Variants in DLG5 observed in about 807,000 individuals in gnomAD.
DLG5 encodes discs large MAGUK scaffold protein 5.
Under a neutral mutation model 189.8 loss-of-function variants are expected in DLG5, and 48 were observed. The observed-to-expected ratio is 0.25, with a 90% CI of 0.20 to 0.32. The LOEUF (loss-of-function observed/expected upper bound fraction) is 0.32, where lower values mean the gene tolerates loss of function less well. Ranked by LOEUF, DLG5 falls within the 10% of genes least tolerant of loss-of-function variation. DLG5 has a pLI of 1.00. For missense variants in DLG5, 2,160 were observed against 2,544.7 expected, an observed-to-expected ratio of 0.85 and a Z score of 3.25; for synonymous variants, 1,016 against 1,054.1, an observed-to-expected ratio of 0.96 and a Z score of 0.70.
In DLG5 at chr10:77,841,891, G is replaced by A. The variant is rs143701099; in HGVS notation, c.1427C>T (p.Ala476Val). 1.6e-5 allele frequency: 25 copies of A among 1,607,778 alleles called. No individual in the cohort carries two copies. The highest frequency in any genetic ancestry group is 9.3e-5 in the African/African-American group (7 of 74,868). ...EKKAANEEME[A>V]LRQIKDTVTM... ...GGCCCACCCACCTACCTGCCGCAGC[G>A]CCTCCATCTCCTCATTGGCCGCCTT... Residue 476 changes from alanine to valine, a missense_variant, in exon 7 of 32, where the codon GCG becomes GTG. Coordinates refer to ENST00000372391, the MANE Select transcript of DLG5 (RefSeq NM_004747.4).
At chr10:77,922,379 A>G (rs1410009904) in intron 1 of DLG5, among the ~76,000 whole-genome samples, 1 of 152,216 alleles carries the variant, frequency 6.6e-6, no homozygotes, top group Non-Finnish European at 1.5e-5. Context: ...AGACTTGGTT[A>G]CTGGGAAAAA....
Position 77,836,059 on chromosome 10 carries a change from C to T in DLG5, c.1438-137G>A, listed in dbSNP as rs185988532. On this transcript the variant is annotated intron_variant, in intron 7 of 31. Transcript: ENST00000372391. ...GAAACACGGAGCCCATCGCAGCACA[C>T]CCCATACCCCCAGTGACTGCACCCC... 87 of 840,286 alleles carry T rather than the reference C, an allele frequency of 1.0e-4. 1 individual carries two copies. The African/African-American group carries it at 1.2e-3, about 12-fold the overall frequency. 52.1% of individuals were successfully genotyped at this position (840,286 alleles called of 1,614,324 possible). A position where few individuals can be genotyped will look rare whatever the true frequency, so the allele number is the denominator to read the frequency against.
chr10:77,834,516 C>G (rs1843030186), intron 8 of DLG5, among the ~76,000 whole-genome samples: 1 of 152,140 alleles, frequency 6.6e-6, no homozygotes, highest in African/African-American at 2.4e-5. Flanking sequence ...AGGAAGGGAG[C>G]CCCTTCGGAT....
At chr10:77,874,400 G>A (rs1416957685) in intron 1 of DLG5, among the ~76,000 whole-genome samples, 2 of 152,214 alleles carry the variant, frequency 1.3e-5, no homozygotes, top group Admixed American at 6.5e-5. Context: ...CTGATTTAAT[G>A]CAGGTTGAGT....
At chr10:77,859,612 A>G (rs536383171) in intron 2 of DLG5, among the ~76,000 whole-genome samples, 1 of 152,270 alleles carries the variant, frequency 6.6e-6, no homozygotes, top group Non-Finnish European at 1.5e-5. Flanking sequence ...GCAACAGGCC[A>G]TATCGTGTAG....
At chr10:77,860,274 C>G (rs1202377975) in intron 2 of DLG5, among the ~76,000 whole-genome samples, 1 of 152,182 alleles carries the variant, frequency 6.6e-6, no homozygotes, top group Non-Finnish European at 1.5e-5. Context: ...ACAATGCAAG[C>G]CTGGCAGGTT....
intron 27 of DLG5, among the ~76,000 whole-genome samples, chr10:77,798,474 C>T (rs976067762): frequency 1.3e-5 from 2 of 152,200 alleles, no homozygotes; most frequent in African/African-American, 4.8e-5. Flanking sequence ...GATACCCCTT[C>T]CCCAACCTCA....
rs1376035248 is a variant in DLG5, at chr10:77,829,539, G to A, written c.2010-9C>T. ...GCAGCCAGTCATTGACCCTGAGAAA[G>A]GGCACAGCCAGTTCAGCACCCACAC... On this transcript the variant is annotated splice_polypyrimidine_tract_variant and intron_variant, in intron 11 of 31. Coordinates refer to ENST00000372391, the MANE Select transcript of DLG5 (RefSeq NM_004747.4). The A allele has an allele frequency of 8.8e-6, 14 of 1,593,250 alleles. No individual in the cohort carries two copies. The highest frequency in any genetic ancestry group is 1.1e-5 in the Non-Finnish European group (13 of 1,167,600).
At chr10:77,893,851 C>G (rs1024277256) in intron 1 of DLG5, among the ~76,000 whole-genome samples, 4 of 152,246 alleles carry the variant, frequency 2.6e-5, no homozygotes, top group Admixed American at 2.0e-4. Context: ...TGACCCCCTA[C>G]TCCCTGGGCC....
intron 2 of DLG5, among the ~76,000 whole-genome samples, chr10:77,863,390 C>A (rs368548961): frequency 2.0e-5 from 3 of 152,308 alleles, no homozygotes; most frequent in East Asian, 3.9e-4. Context: ...TGAGCAACCA[C>A]ACCTAGCCTA....
chr10:77,924,729 A>G (rs1442815700), intron 1 of DLG5, among the ~76,000 whole-genome samples: 1 of 152,148 alleles, frequency 6.6e-6, no homozygotes, highest in Admixed American at 6.6e-5. Context: ...CATGACCACA[A>G]CTGGGGGGAA....
intron 25 of DLG5, 106 bp downstream of exon 25, chr10:77,807,690 A>G (rs1269026235): frequency 7.5e-7 from 1 of 1,340,302 alleles, no homozygotes; most frequent in Admixed American, 2.2e-5. Flanking sequence ...TCATGGCCCC[A>G]GCCTTGGGGG....
intron 29 of DLG5, among the ~76,000 whole-genome samples, chr10:77,795,387 G>A (rs1840858952): frequency 2.0e-5 from 3 of 152,094 alleles, no homozygotes; most frequent in Admixed American, 2.0e-4. Flanking sequence ...GTGGAGTGCA[G>A]GCCCGTGCAC....
chr10:77,816,640 C>A lies in DLG5; in HGVS notation c.3936G>T (p.Leu1312=). The change falls in exon 20 of 32, where the codon CTG becomes CTT. Residue 1312 remains leucine, a synonymous_variant. Coordinates refer to ENST00000372391, the MANE Select transcript of DLG5 (RefSeq NM_004747.4). ...PPQSPLNIDT[L]SSCSQSQTSA... ...AGGTCTGGGACTGGCTACAAGAGGA[C>A]AGGGTGTCGATGTTCAGGGGTGACT... The A allele has an allele frequency of 6.2e-7, 1 of 1,614,092 alleles. No individual in the cohort carries two copies. Among genetic ancestry groups the A allele is most frequent in the South Asian group, 1.1e-5 (1 of 91,066 alleles).
At chr10:77,812,887 G>C (rs1172667436) in intron 20 of DLG5, among the ~76,000 whole-genome samples, 1 of 152,244 alleles carries the variant, frequency 6.6e-6, no homozygotes, top group Non-Finnish European at 1.5e-5. Context: ...AAGGGAGAAG[G>C]CTGGGAGCAA....
intron 6 of DLG5, 134 bp from the exon 7 acceptor site, chr10:77,842,327 C>CTGGGGGTGGAGAGAGTG: frequency 9.0e-7 from 1 of 1,111,786 alleles, no homozygotes; most frequent in Non-Finnish European, 1.3e-6. Context: ...TCACTCTCTC[C>CTGGGGGTGGAGAGAGTG]ACCCCCAGGA....
chr10:77,867,818 T>C (rs1844744455), intron 2 of DLG5: 1 of 409,968 alleles, frequency 2.4e-6, no homozygotes, highest in African/African-American at 2.0e-5. Flanking sequence ...CCACAGCAGT[T>C]ATTGCTGATG....
chr10:77,908,589 T>C (rs971328532), intron 1 of DLG5, among the ~76,000 whole-genome samples: 47 of 152,294 alleles, frequency 3.1e-4, no homozygotes, highest in Middle Eastern at 6.8e-3. Context: ...AGTCACAGAA[T>C]GGATTCTCTC....
intron 10 of DLG5, 150 bp downstream of exon 10, chr10:77,830,591 C>A (rs1842851220): frequency 1.5e-6 from 2 of 1,337,496 alleles, no homozygotes; most frequent in Non-Finnish European, 2.0e-6. Context: ...CCAGCCTGGA[C>A]AGCTGCTGGG....
Sources: allele counts gnomAD v4.1 joint callset (sites outside exome capture counted in the v4.1 genomes callset), GRCh38; gene constraint gnomAD v4.1.1; transcripts MANE v1.5; gene names NCBI Gene and HGNC (gene_info 2026-07-23, HGNC 2026-07-21).